BTBD9: variants seen among roughly 807,000 people sequenced by gnomAD.
BTBD9 encodes the protein BTB/POZ domain-containing protein 9.
Under a neutral mutation model 64.3 loss-of-function variants are expected in BTBD9, and 49 were observed. The ratio of observed to expected loss-of-function variants is 0.76; its 90% CI spans 0.61 to 0.97. The LOEUF is 0.97. Ranked by LOEUF, BTBD9 falls within the 50% of genes least tolerant of loss-of-function variation. The probability of loss-of-function intolerance (pLI) is 0.00; values close to 1 mark genes in which losing one functional copy is unlikely to be tolerated. For synonymous variants in BTBD9, 260 were observed against 274.7 expected (o/e 0.95, Z 0.53); for missense variants, 598 against 762.1 (o/e 0.78, Z 2.53).
At chr6:38,608,742 G>T (rs1258521145) in intron 1 of BTBD9, among the ~76,000 whole-genome samples, 1 of 152,138 alleles carries the variant, frequency 6.6e-6, no homozygotes, top group African/African-American at 2.4e-5. Context: ...TCAACTCTGA[G>T]AAATTTGTAC....
At chr6:38,411,926 T>C (rs768452377) in intron 6 of BTBD9, among the ~76,000 whole-genome samples, 1 of 152,060 alleles carries the variant, frequency 6.6e-6, no homozygotes, top group Non-Finnish European at 1.5e-5. Context: ...ACTCTGCCTC[T>C]GCCTATATAT....
At chr6:38,635,056 C>T (rs550665816) in intron 1 of BTBD9, among the ~76,000 whole-genome samples, 2 of 152,302 alleles carry the variant, frequency 1.3e-5, no homozygotes, top group Admixed American at 1.3e-4. Context: ...TTTTTCAAGC[C>T]CCAGTCCACA....
At chr6:38,295,225 T>C (rs1762114882) in intron 7 of BTBD9, among the ~76,000 whole-genome samples, 1 of 152,104 alleles carries the variant, frequency 6.6e-6, no homozygotes. Flanking sequence ...AGTGCAGTGG[T>C]ACGATCACGG....
At chr6:38,329,576 G>T (rs927711612) in intron 7 of BTBD9, among the ~76,000 whole-genome samples, 1 of 152,030 alleles carries the variant, frequency 6.6e-6, no homozygotes, top group Non-Finnish European at 1.5e-5. Flanking sequence ...GCCCGATTTG[G>T]CCTCCCAAAG....
At chr6:38,573,978 GA>G (rs1432584619) in intron 6 of BTBD9, among the ~76,000 whole-genome samples, 3 of 152,196 alleles carry the variant, frequency 2.0e-5, no homozygotes, top group Non-Finnish European at 4.4e-5. Flanking sequence ...TCCTGAGAAA[GA>G]AAAGGCTGAT....
At chr6:38,499,505 T>C (rs184155330) in intron 6 of BTBD9, among the ~76,000 whole-genome samples, 86 of 152,338 alleles carry the variant, frequency 5.6e-4, no homozygotes, top group African/African-American at 2.0e-3. Flanking sequence ...GGTATTTATT[T>C]GTTATAATGG....
intron 7 of BTBD9, among the ~76,000 whole-genome samples, chr6:38,327,241 G>A (rs534239132): frequency 5.9e-5 from 9 of 152,042 alleles, no homozygotes; most frequent in Non-Finnish European, 8.8e-5. Flanking sequence ...CAATATTAAC[G>A]AGCCAATAAA....
intron 6 of BTBD9, among the ~76,000 whole-genome samples, chr6:38,391,013 A>G (rs918399295): frequency 9.2e-5 from 14 of 152,220 alleles, no homozygotes; most frequent in African/African-American, 3.4e-4. Context: ...ATATGCTTAT[A>G]CTTATTGTCT....
chr6:38,422,969 A>AT (rs1335097806), intron 6 of BTBD9, among the ~76,000 whole-genome samples: 10 of 151,908 alleles, frequency 6.6e-5, no homozygotes, highest in South Asian at 2.1e-4. Context: ...ATTTAAATAT[A>AT]TATTTTTTAA....
rs7742050 is a variant in BTBD9, at chr6:38,569,088, A to C, written c.1154+8512T>G. Among the ~76,000 whole-genome samples the C allele has an allele frequency of 8.7e-3, 1,320 of 152,360 alleles. 12 individuals carry two copies. The highest frequency in any genetic ancestry group is 0.03 in the African/African-American group (1,246 of 41,590). On this transcript the variant is annotated intron_variant, in intron 6 of 10. Transcript: ENST00000481247. ...CTTTGTAAGAACCAAGAATGATGCT[A>C]TAGAAGCAGAAGAACCTAATGATGG...
At chr6:38,495,961 T>A (rs891242860) in intron 6 of BTBD9, among the ~76,000 whole-genome samples, 2 of 152,214 alleles carry the variant, frequency 1.3e-5, no homozygotes, top group Non-Finnish European at 2.9e-5. Flanking sequence ...ATCAGAATCC[T>A]TTGGAGAGAA....
intron 7 of BTBD9, among the ~76,000 whole-genome samples, chr6:38,344,517 G>A (rs144373518): frequency 1.1e-4 from 17 of 152,078 alleles, no homozygotes; most frequent in Non-Finnish European, 1.6e-4. Context: ...AGGCTACTTC[G>A]GGCAAACATG....
intron 6 of BTBD9, among the ~76,000 whole-genome samples, chr6:38,480,440 G>A (rs1302296367): frequency 6.6e-6 from 1 of 152,166 alleles, no homozygotes; most frequent in Non-Finnish European, 1.5e-5. Flanking sequence ...TGAAAGTGTA[G>A]GTCAGATTGG....
At chr6:38,523,309 G>A (rs987371794) in intron 6 of BTBD9, among the ~76,000 whole-genome samples, 1 of 151,950 alleles carries the variant, frequency 6.6e-6, no homozygotes, top group East Asian at 1.9e-4. Context: ...ATCCTAACTG[G>A]TCACCCTGCC....
At chr6:38,196,367 A>G (rs941934919) in intron 9 of BTBD9, among the ~76,000 whole-genome samples, 1 of 152,252 alleles carries the variant, frequency 6.6e-6, no homozygotes, top group Non-Finnish European at 1.5e-5. Flanking sequence ...GTATTGGCAT[A>G]TATTAAATAC....
At chr6:38,198,892 G>A (rs1323766491) in intron 9 of BTBD9, among the ~76,000 whole-genome samples, 1 of 152,058 alleles carries the variant, frequency 6.6e-6, no homozygotes, top group Non-Finnish European at 1.5e-5. Flanking sequence ...TCTCTGCATC[G>A]GCACCTCAGA....
intron 6 of BTBD9, among the ~76,000 whole-genome samples, chr6:38,464,686 G>A (rs1285658952): frequency 6.6e-6 from 1 of 152,064 alleles, no homozygotes; most frequent in East Asian, 1.9e-4. Flanking sequence ...AGTAGAGATG[G>A]GGTTTCACCA....
chr6:38,496,051 G>A (rs1582526767), intron 6 of BTBD9, among the ~76,000 whole-genome samples: 1 of 152,108 alleles, frequency 6.6e-6, no homozygotes, highest in Non-Finnish European at 1.5e-5. Context: ...CAGGCTTTCT[G>A]CCCGTTGTGA....
At chr6:38,279,586 C>T (rs1367176759) in intron 8 of BTBD9, among the ~76,000 whole-genome samples, 1 of 152,032 alleles carries the variant, frequency 6.6e-6, no homozygotes, top group East Asian at 1.9e-4. Flanking sequence ...TTCTGTTAGC[C>T]CTCATGAGAA....
Sources: allele counts gnomAD v4.1 joint callset (sites outside exome capture counted in the v4.1 genomes callset), GRCh38; gene constraint gnomAD v4.1.1; transcripts MANE v1.5; gene names NCBI Gene and HGNC (gene_info 2026-07-23, HGNC 2026-07-21).